The following SLIT3 variants were observed in gnomAD, a reference collection of about 807,000 sequenced individuals.
SLIT3 encodes slit guidance ligand 3.
A neutral mutation model predicts 184.0 loss-of-function variants in SLIT3; 68 were observed. The observed-to-expected ratio is 0.37, with a 90% CI of 0.30 to 0.45. The LOEUF is 0.45. Ranked by LOEUF, SLIT3 falls within the 20% of genes least tolerant of loss-of-function variation. The pLI is 1.00. For missense variants in SLIT3, 1,707 were observed against 2,026.0 expected, an observed-to-expected ratio of 0.84 and a Z score of 3.02; for synonymous variants, 831 against 828.6, an observed-to-expected ratio of 1.00 and a Z score of -0.05.
chr5:169,177,167 C>A (rs1448026940), intron 4 of SLIT3, among the ~76,000 whole-genome samples: 1 of 152,154 alleles, frequency 6.6e-6, no homozygotes, highest in Non-Finnish European at 1.5e-5. Context: ...TCACACAAGG[C>A]AAATGCAGTA....
chr5:168,965,519 T>C (rs1406448868), intron 4 of SLIT3, among the ~76,000 whole-genome samples: 2 of 152,252 alleles, frequency 1.3e-5, no homozygotes, highest in Non-Finnish European at 2.9e-5. Context: ...TCATTGCATT[T>C]TGACCAATAT....
Position 169,091,950 on chromosome 5 carries a change from G to A in SLIT3, c.413+101529C>T, listed in dbSNP as rs117185947. Among the ~76,000 whole-genome samples, 1,353 of 152,250 alleles carry A rather than the reference G, an allele frequency of 8.9e-3. 21 individuals carry two copies. Among genetic ancestry groups the A allele is most frequent in the East Asian group, 0.024 (125 of 5,182 alleles). On this transcript the variant is annotated intron_variant, in intron 4 of 35. Transcript: ENST00000519560. Reference sequence around the variant, plus strand: ...AGAAAAAATGACTCAGAGTGGGTGCGGTGGCTCGTGCCTGTAATCCCAGCA... The same window carrying A: ...AGAAAAAATGACTCAGAGTGGGTGCAGTGGCTCGTGCCTGTAATCCCAGCA...
At chr5:168,800,401 C>G (rs1756722620) in intron 9 of SLIT3, among the ~76,000 whole-genome samples, 1 of 152,132 alleles carries the variant, frequency 6.6e-6, no homozygotes, top group African/African-American at 2.4e-5. Context: ...GCCTGGCCAA[C>G]ACGGTGAAAC....
rs542892470 is a variant in SLIT3 at position 169,140,434 on chromosome 5, T to C, written c.413+53045A>G. On this transcript the variant is annotated intron_variant, in intron 4 of 35. Transcript: ENST00000519560. Reference sequence around the variant, plus strand: ...GGCGGAGGTTGCAGTGAGCAGAGATTGCGCCATTGCACTCTGGCCTGGGCA... The same window carrying C: ...GGCGGAGGTTGCAGTGAGCAGAGATCGCGCCATTGCACTCTGGCCTGGGCA... 9.7e-4 allele frequency among the ~76,000 whole-genome samples: 129 copies of C among 132,460 alleles called. 3 individuals carry two copies. The highest frequency in any genetic ancestry group is 3.6e-3 in the African/African-American group (125 of 34,474). The allele number at this position is 132,460 out of a possible 152,430, so 86.9% of individuals were successfully genotyped here. A position where few individuals can be genotyped will look rare whatever the true frequency, so the allele number is the denominator to read the frequency against.
rs1048377893 is a variant in SLIT3, at chr5:169,054,387, T to A, written c.413+139092A>T. Among the ~76,000 whole-genome samples the A allele has an allele frequency of 3.3e-5, 5 of 152,120 alleles. No homozygotes were observed. In the East Asian group the frequency reaches 9.6e-4, roughly 29 times the overall value. ...GCCTGGCCCTGTCCACACCTGGATT[T>A]TGGACTTCTATCCTGCAGAACTGTG... On this transcript the variant is annotated intron_variant, in intron 4 of 35. Transcript: ENST00000519560.
At chr5:168,790,019 C>G (rs192702608) in intron 10 of SLIT3, 1 of 178,694 alleles carries the variant, frequency 5.6e-6, no homozygotes, top group African/African-American at 2.4e-5. Flanking sequence ...CAACCAACCA[C>G]AAGCCAGGGT....
chr5:169,110,224 A>G (rs896147046), intron 4 of SLIT3, among the ~76,000 whole-genome samples: 63 of 152,208 alleles, frequency 4.1e-4, no homozygotes, highest in Admixed American at 4.1e-3. Flanking sequence ...TTATAACTGC[A>G]TGGTTGAGTA....
At chr5:169,118,904 A>T (rs1018172042) in intron 4 of SLIT3, among the ~76,000 whole-genome samples, 2 of 152,106 alleles carry the variant, frequency 1.3e-5, no homozygotes, top group Admixed American at 6.6e-5. Flanking sequence ...TTTTTTTTAC[A>T]GTTTTAGTGG....
chr5:169,271,937 G>T (rs555179267), intron 1 of SLIT3, among the ~76,000 whole-genome samples: 2 of 152,216 alleles, frequency 1.3e-5, no homozygotes, highest in African/African-American at 4.8e-5. Flanking sequence ...CCATAGACTC[G>T]TAATGGGCAA....
At chr5:168,971,305 T>C (rs1179178447) in intron 4 of SLIT3, among the ~76,000 whole-genome samples, 1 of 152,198 alleles carries the variant, frequency 6.6e-6, no homozygotes, top group African/African-American at 2.4e-5. Flanking sequence ...GCTTTATGCC[T>C]GCATTACACA....
chr5:168,696,578 C>G (rs1169708405), intron 27 of SLIT3, 147 bp from the exon 28 acceptor site: 10 of 818,870 alleles, frequency 1.2e-5, no homozygotes, highest in South Asian at 6.8e-5. Context: ...ACACATGAGG[C>G]CTTGGGGTCC....
intron 4 of SLIT3, among the ~76,000 whole-genome samples, chr5:168,900,943 C>T (rs1760845276): frequency 6.6e-6 from 1 of 152,104 alleles, no homozygotes; most frequent in African/African-American, 2.4e-5. Flanking sequence ...GACAATGGAG[C>T]CTCAGAAGCG....
chr5:169,257,520 C>T (rs1766005828), intron 1 of SLIT3, among the ~76,000 whole-genome samples: 1 of 135,200 alleles, frequency 7.4e-6, no homozygotes, highest in African/African-American at 2.8e-5. Flanking sequence ...GATACAATAG[C>T]TTTCTATGCC....
chr5:168,749,670 T>C, intron 18 of SLIT3, 35 bp from the exon 19 acceptor site: 7 of 1,612,242 alleles, frequency 4.3e-6, no homozygotes, highest in Non-Finnish European at 5.9e-6. Flanking sequence ...CCTCCATCCT[T>C]CTACTGTGGG....
At chr5:169,167,199 C>G (rs1459467062) in intron 4 of SLIT3, among the ~76,000 whole-genome samples, 1 of 146,638 alleles carries the variant, frequency 6.8e-6, no homozygotes, top group Non-Finnish European at 1.5e-5. Context: ...CAAAACAAAA[C>G]AAAAAAAACC....
chr5:168,756,718 C>T, intron 16 of SLIT3, among the ~76,000 whole-genome samples: 1 of 152,148 alleles, frequency 6.6e-6, no homozygotes. Context: ...GAGATAAAGG[C>T]TCTCCAGCAG....
At chr5:169,030,066 C>T (rs1277284843) in intron 4 of SLIT3, among the ~76,000 whole-genome samples, 2 of 152,184 alleles carry the variant, frequency 1.3e-5, no homozygotes, top group African/African-American at 2.4e-5. Flanking sequence ...CTGCCAGCCC[C>T]TTGGAAACCT....
chr5:169,236,068 A>C (rs1260127782), intron 3 of SLIT3, among the ~76,000 whole-genome samples: 1 of 152,232 alleles, frequency 6.6e-6, no homozygotes, highest in Non-Finnish European at 1.5e-5. Flanking sequence ...ACAACAAATT[A>C]GTTAGAATTT....
intron 5 of SLIT3, among the ~76,000 whole-genome samples, chr5:168,846,931 A>T (rs1758493305): frequency 9.4e-6 from 1 of 106,658 alleles, no homozygotes; most frequent in Non-Finnish European, 1.8e-5. Context: ...AGTGGGAGAA[A>T]GAGAATAAAA....
Sources: gnomAD v4.1 joint callset for allele counts (sites outside exome capture counted in the v4.1 genomes callset) on GRCh38, gnomAD v4.1.1 for gene constraint, MANE v1.5 for transcripts, NCBI Gene and HGNC (gene_info 2026-07-23, HGNC 2026-07-21) for gene names.